SYT6: variants seen among roughly 807,000 people sequenced by gnomAD.
SYT6 encodes synaptotagmin-6.
A neutral mutation model predicts 38.4 loss-of-function variants in SYT6; 24 were observed. The ratio of observed to expected loss-of-function variants is 0.62; its 90% CI spans 0.45 to 0.88. The LOEUF (loss-of-function observed/expected upper bound fraction) is 0.88. Ranked by LOEUF, SYT6 falls within the 40% of genes least tolerant of loss-of-function variation. SYT6 has a pLI of 0.00. For missense variants in SYT6, 611 were observed against 621.0 expected (o/e 0.98, Z 0.17); for synonymous variants, 265 against 241.9 (o/e 1.10, Z -0.89).
At chr1:114,122,506 T>TGTGTGTGTGTGTGTGTGCGC (rs60780339) in intron 3 of SYT6, among the ~76,000 whole-genome samples, 9 of 147,288 alleles carry the variant, frequency 6.1e-5, no homozygotes, top group African/African-American at 2.0e-4. Flanking sequence ...TGTGTGTGTG[T>TGTGTGTGTGTGTGTGTGCGC]GCGCGCACAT....
In SYT6 at chr1:114,127,888, A is replaced by T. The variant is rs566131048; in HGVS notation, c.1071+9607T>A. On this transcript the variant is annotated intron_variant, in intron 3 of 7. Transcript: ENST00000610222. ...CAGGGGAGCATGGGGGCAAATGAAC[A>T]TCCAGCAAAGACAACCGGGGAGCTG... 1.2e-4 allele frequency among the ~76,000 whole-genome samples: 18 copies of T among 152,338 alleles called. No individual in the cohort carries two copies. In the South Asian group the frequency reaches 3.7e-3, roughly 32 times the overall value.
intron 1 of SYT6, among the ~76,000 whole-genome samples, chr1:114,148,239 T>C (rs1679256958): frequency 6.6e-6 from 1 of 152,208 alleles, no homozygotes; most frequent in South Asian, 2.1e-4. Flanking sequence ...CCCATAGTGT[T>C]AGAATTCATC....
chr1:114,113,619 T>C (rs562752153), intron 3 of SYT6, among the ~76,000 whole-genome samples: 7 of 152,196 alleles, frequency 4.6e-5, no homozygotes, highest in Non-Finnish European at 7.3e-5. Context: ...TGCCTTCCTC[T>C]TTTGGATTTA....
intron 2 of SYT6, among the ~76,000 whole-genome samples, chr1:114,138,898 C>T (rs890923952): frequency 6.6e-6 from 1 of 152,318 alleles, no homozygotes; most frequent in African/African-American, 2.4e-5. Context: ...TTCCTGGCCT[C>T]CAGTCTGAAG....
In SYT6 at chr1:114,091,257, A is replaced by G. The variant is rs1675286240; in HGVS notation, c.*877T>C. The G allele has an allele frequency of 6.5e-6, 1 of 152,816 alleles. No individual in the cohort carries two copies. Among genetic ancestry groups the G allele is most frequent in the African/African-American group, 2.4e-5 (1 of 41,466 alleles). 9.5% of individuals were successfully genotyped at this position (152,816 alleles called of 1,614,324 possible). A position where few individuals can be genotyped will look rare whatever the true frequency, so the allele number is the denominator to read the frequency against. ...TTCTGAGGACAAAGATCCTGTTTTC[A>G]AACAAATGTGATCATTAACTGTGGC... On this transcript the variant is annotated 3_prime_UTR_variant, in exon 8 of 8. Coordinates refer to ENST00000610222, the MANE Select transcript of SYT6 (RefSeq NM_001253772.2).
intron 3 of SYT6, among the ~76,000 whole-genome samples, chr1:114,119,435 A>T (rs533927364): frequency 6.4e-4 from 97 of 152,322 alleles, no homozygotes; most frequent in African/African-American, 2.2e-3. Flanking sequence ...AAGATACTAC[A>T]CATAGCTGGC....
At chr1:114,125,654 C>A (rs963586890) in intron 3 of SYT6, among the ~76,000 whole-genome samples, 9 of 152,052 alleles carry the variant, frequency 5.9e-5, no homozygotes, top group Non-Finnish European at 1.3e-4. Flanking sequence ...TTGCTGCTGA[C>A]ACTAAAACAC....
intron 4 of SYT6, among the ~76,000 whole-genome samples, chr1:114,099,664 T>A (rs1675847333): frequency 6.6e-6 from 1 of 152,248 alleles, no homozygotes; most frequent in Admixed American, 6.5e-5. Context: ...TGTGGAGTAC[T>A]ATTCTTTGAG....
chr1:114,093,836 G>C, intron 6 of SYT6, 33 bp from the exon 7 acceptor site: 1 of 1,603,390 alleles, frequency 6.2e-7, no homozygotes, highest in East Asian at 2.2e-5. Context: ...TAAATGCCTG[G>C]TTGTTGAGGC....
intron 3 of SYT6, among the ~76,000 whole-genome samples, chr1:114,117,258 A>G (rs532115979): frequency 6.3e-4 from 96 of 152,364 alleles, no homozygotes; most frequent in African/African-American, 2.3e-3. Context: ...ATTTACAGGC[A>G]TAAGAGGAAA....
intron 3 of SYT6, among the ~76,000 whole-genome samples, chr1:114,114,286 C>T (rs541032271): frequency 3.6e-4 from 55 of 152,362 alleles, no homozygotes; most frequent in African/African-American, 1.2e-3. Context: ...GTACTTCACT[C>T]GCCTCACCCT....
intron 3 of SYT6, among the ~76,000 whole-genome samples, chr1:114,129,564 T>TTTCTTTC (rs1484116622): frequency 2.7e-5 from 3 of 112,942 alleles, no homozygotes; most frequent in Admixed American, 9.5e-5. Context: ...TTTTTCTTTC[T>TTTCTTTC]TTTCTTTCTT....
At chr1:114,107,016 T>G (rs567000397) in intron 3 of SYT6, among the ~76,000 whole-genome samples, 1 of 152,334 alleles carries the variant, frequency 6.6e-6, no homozygotes, top group South Asian at 2.1e-4. Flanking sequence ...CGCAGTGTTA[T>G]GATCAAGTTA....
At position 114,092,098 on chromosome 1, in the gene SYT6, C is replaced by T. The variant is rs1323982871; in HGVS notation, c.*52-16G>A. ...GGCCCTGCCACTGCAAAGAGGAGAA[C>T]AATCTGTTTATTAATTGCTAAAGGA... On this transcript the variant is annotated splice_polypyrimidine_tract_variant and intron_variant, in intron 7 of 7. Transcript: ENST00000610222. The T allele has an allele frequency of 4.8e-5, 73 of 1,535,666 alleles. No homozygotes were observed. The highest frequency in any genetic ancestry group is 6.2e-5 in the Non-Finnish European group (71 of 1,146,602).
At chr1:114,096,961 G>A (rs516989) in intron 6 of SYT6, among the ~76,000 whole-genome samples, 52,036 of 152,004 alleles carry the variant, frequency 0.34, 9,080 homozygotes, top group East Asian at 0.39. Context: ...GGACCACCAC[G>A]GTGATAGAAT....
At chr1:114,135,109 G>A (rs934814382) in intron 3 of SYT6, among the ~76,000 whole-genome samples, 2 of 152,034 alleles carry the variant, frequency 1.3e-5, no homozygotes, top group African/African-American at 4.8e-5. Flanking sequence ...GGAACATCCA[G>A]CTCAGACAGA....
At chr1:114,132,094 A>T (rs752906695) in intron 3 of SYT6, among the ~76,000 whole-genome samples, 1 of 152,216 alleles carries the variant, frequency 6.6e-6, no homozygotes, top group African/African-American at 2.4e-5. Context: ...GTTTATTTAC[A>T]TATGGGGGAT....
intron 3 of SYT6, among the ~76,000 whole-genome samples, chr1:114,125,128 G>A (rs1677646759): frequency 6.6e-6 from 1 of 152,216 alleles, no homozygotes; most frequent in African/African-American, 2.4e-5. Flanking sequence ...GTTTTGTGAA[G>A]AAAACATAAA....
At chr1:114,102,361 T>C (rs1676023040) in intron 4 of SYT6, among the ~76,000 whole-genome samples, 1 of 152,194 alleles carries the variant, frequency 6.6e-6, no homozygotes, top group Non-Finnish European at 1.5e-5. Context: ...GACTCAGAGC[T>C]GCAACAAACA....
Sources: allele counts gnomAD v4.1 joint callset (sites outside exome capture counted in the v4.1 genomes callset), GRCh38; gene constraint gnomAD v4.1.1; transcripts MANE v1.5; gene names NCBI Gene and HGNC (gene_info 2026-07-23, HGNC 2026-07-21).